The following APC variants were observed in gnomAD, a reference collection of about 807,000 sequenced individuals.
The protein encoded by APC is APC regulator of Wnt signaling pathway.
APC carries 72 observed loss-of-function variants against 247.0 expected under a neutral mutation model. The ratio of observed to expected loss-of-function variants is 0.29; its 90% CI spans 0.24 to 0.35. APC has a LOEUF of 0.35. APC is among the 10% of genes least tolerant of loss of function. APC has a pLI of 1.00. For synonymous variants in APC, 1,254 were observed against 1,162.5 expected (o/e 1.08, Z -1.60); for missense variants, 3,400 against 3,360.7 (o/e 1.01, Z -0.29).
chr5:112,769,513 C>T (rs1756787038), intron 4 of APC, among the ~76,000 whole-genome samples: 1 of 122,302 alleles, frequency 8.2e-6, no homozygotes, highest in Admixed American at 9.9e-5. Context: ...TCAGGAACTT[C>T]GTCAAATGTT....
chr5:112,812,671 G>A (rs939447184), intron 8 of APC, among the ~76,000 whole-genome samples: 3 of 152,236 alleles, frequency 2.0e-5, no homozygotes, highest in Admixed American at 6.5e-5. Context: ...ATCTTCCTGT[G>A]TGTTCATATA....
intron 8 of APC, among the ~76,000 whole-genome samples, chr5:112,805,564 T>C (rs938401752): frequency 6.6e-6 from 1 of 152,214 alleles, no homozygotes; most frequent in African/African-American, 2.4e-5. Flanking sequence ...TAAAACAATA[T>C]TGCAGCTATT....
intron 11 of APC, among the ~76,000 whole-genome samples, chr5:112,826,882 G>A (rs1164104405): frequency 6.6e-6 from 1 of 152,134 alleles, no homozygotes; most frequent in African/African-American, 2.4e-5. Context: ...AGGGGCTGGG[G>A]GTGGAGAAAC....
At chr5:112,815,675 C>T in intron 9 of APC, 82 bp downstream of exon 9, 2 of 1,094,712 alleles carry the variant, frequency 1.8e-6, no homozygotes, top group South Asian at 2.5e-5. Flanking sequence ...GTGGCTCACA[C>T]CTGTAATCCC....
chr5:112,750,089 A>G (rs887226712), intron 1 of APC, among the ~76,000 whole-genome samples: 1 of 150,142 alleles, frequency 6.7e-6, no homozygotes, highest in Non-Finnish European at 1.5e-5. Flanking sequence ...CAGCCTCCCA[A>G]GTAGCTGAGA....
In APC at chr5:112,754,961, G is replaced by A. The variant is rs878853469; in HGVS notation, c.71G>A (p.Arg24Gln). Residue 24 changes from arginine (R) to glutamine (Q), a missense_variant, in exon 2 of 16, where the codon CGA (arginine) becomes CAA (glutamine). By Grantham distance (43) the Arg-to-Gln change is conservative (BLOSUM62 1). This residue lies in a region of APC where 372 missense variants were observed against 367.6 expected (regional missense o/e 1.01). Transcript: ENST00000257430. ...CTGAAGATGGAGAACTCAAATCTTC[G>A]ACAAGAGCTAGAAGATAATTCCAAT... ...EALKMENSNL[R>Q]QELEDNSNHL... 5 of 1,613,688 alleles carry A rather than the reference G, an allele frequency of 3.1e-6. No individual in the cohort carries two copies. Among genetic ancestry groups the A allele is most frequent in the Admixed American group, 1.7e-5 (1 of 60,012 alleles).
chr5:112,738,813 G>C (rs76376330), intron 1 of APC, among the ~76,000 whole-genome samples: 1 of 152,204 alleles, frequency 6.6e-6, no homozygotes, highest in Non-Finnish European at 1.5e-5. Context: ...TGAATGTTTT[G>C]TCATTGGAAT....
intron 1 of APC, among the ~76,000 whole-genome samples, chr5:112,750,223 A>G (rs1233933983): frequency 6.6e-6 from 1 of 152,012 alleles, no homozygotes; most frequent in African/African-American, 2.4e-5. Context: ...TCAGCCTCCC[A>G]AAGTGCTGGG....
intron 11 of APC, among the ~76,000 whole-genome samples, chr5:112,824,015 C>G (rs571939542): frequency 1.3e-5 from 2 of 152,340 alleles, no homozygotes; most frequent in Admixed American, 6.5e-5. Context: ...GCATTTCATG[C>G]TAATGGTGAC....
intron 1 of APC, among the ~76,000 whole-genome samples, chr5:112,729,575 A>G: frequency 6.6e-6 from 1 of 152,252 alleles, no homozygotes; most frequent in Non-Finnish European, 1.5e-5. Context: ...GATCTAGATT[A>G]TGCAGAGTTG....
At chr5:112,719,193 T>C (rs781727604) in intron 1 of APC, among the ~76,000 whole-genome samples, 4 of 152,126 alleles carry the variant, frequency 2.6e-5, no homozygotes, top group Non-Finnish European at 4.4e-5. Flanking sequence ...AGTAGGTTCA[T>C]TTTCATTCTT....
chr5:112,786,329 A>G (rs1758946477), intron 6 of APC, among the ~76,000 whole-genome samples: 3 of 152,252 alleles, frequency 2.0e-5, no homozygotes, highest in South Asian at 2.1e-4. Flanking sequence ...AGTAAAACAC[A>G]GATGACTAGT....
At chr5:112,763,662 G>A (rs1368694484) in intron 2 of APC, among the ~76,000 whole-genome samples, 1 of 152,090 alleles carries the variant, frequency 6.6e-6, no homozygotes, top group Non-Finnish European at 1.5e-5. Context: ...CTAAAAACAA[G>A]TAGGATTTTT....
rs1764745426 is a variant in APC, at chr5:112,835,169, TA to T, written c.1958+5del. On this transcript the variant is annotated splice_donor_5th_base_variant and intron_variant, in intron 15 of 15. Coordinates refer to ENST00000257430, the MANE Select transcript of APC (RefSeq NM_000038.6). Reference sequence around the variant, plus strand: ...TAGCTACAAATGAGGACCACAGGTATATATAGAGTTTTATATTACTTTTAAA... The same window carrying T: ...TAGCTACAAATGAGGACCACAGGTATTATAGAGTTTTATATTACTTTTAAA... 1.2e-6 allele frequency: 2 copies of T among 1,608,948 alleles called. No individual in the cohort carries two copies. Among genetic ancestry groups the T allele is most frequent in the East Asian group, 4.5e-5 (2 of 44,642 alleles).
At chr5:112,734,397 A>G (rs929295132), upstream of APC, among the ~76,000 whole-genome samples, 1 of 152,226 alleles carries the variant, frequency 6.6e-6, no homozygotes, top group African/African-American at 2.4e-5. Context: ...AGGCTTTTCC[A>G]TCGTACCATA....
rs587781364 is a variant in APC, at chr5:112,842,412, G to T, written c.6818G>T (p.Gly2273Val). 1.2e-6 allele frequency: 2 copies of T among 1,614,030 alleles called. No homozygotes were observed. Among genetic ancestry groups the T allele is most frequent in the Non-Finnish European group, 1.7e-6 (2 of 1,179,964 alleles). The change falls in exon 16 of 16, where the codon GGA (glycine) becomes GTA (valine). Residue 2273 changes from glycine (G) to valine (V), a missense_variant. Gly to Val is a moderately radical substitution (Grantham distance 109). This residue lies in a region of APC where 1,788 missense variants were observed against 1,649.5 expected (regional missense o/e 1.08). Transcript: ENST00000257430. ...CAAACAGCCACCACTTCTCCTAGAG[G>T]AGCCAAGCCATCTGTGAAATCAGAA... ...EGQTATTSPR[G>V]AKPSVKSELS...
chr5:112,741,891 C>T (rs534707303), intron 1 of APC, among the ~76,000 whole-genome samples: 124 of 152,236 alleles, frequency 8.1e-4, no homozygotes, highest in African/African-American at 2.8e-3. Flanking sequence ...TCTTTTGCAC[C>T]TGGCTTATTT....
chr5:112,786,886 CT>C (rs1171592849), intron 6 of APC, among the ~76,000 whole-genome samples: 259 of 118,100 alleles, frequency 2.2e-3, no homozygotes, highest in South Asian at 6.0e-3. Context: ...TTTTCTTTTT[CT>C]TTTTTTTTTT....
chr5:112,781,216 G>A (rs943496011), intron 6 of APC, among the ~76,000 whole-genome samples: 31 of 152,072 alleles, frequency 2.0e-4, no homozygotes, highest in Non-Finnish European at 3.7e-4. Context: ...TTTACTTCTT[G>A]TAATCTTAGA....
Sources: allele counts gnomAD v4.1 joint callset (sites outside exome capture counted in the v4.1 genomes callset), GRCh38; gene constraint gnomAD v4.1.1; regional missense constraint gnomAD v4.1.1; transcripts MANE v1.5; gene names NCBI Gene and HGNC (gene_info 2026-07-23, HGNC 2026-07-21).